The following ZNF653 variants were observed in gnomAD, a reference collection of about 807,000 sequenced individuals.
ZNF653 encodes the protein 67 kDa zinc finger protein.
In ZNF653, 37 loss-of-function variants were observed where a neutral mutation model predicts 59.9. That is an observed-to-expected ratio of 0.62 (90% CI 0.48 to 0.81). The LOEUF is 0.81. Ranked by LOEUF, ZNF653 falls within the 40% of genes least tolerant of loss-of-function variation. The pLI is 0.00. For synonymous variants in ZNF653, 435 were observed against 371.8 expected, an observed-to-expected ratio of 1.17 and a Z score of -1.96; for missense variants, 808 against 881.1, an observed-to-expected ratio of 0.92 and a Z score of 1.05.
chr19:11,505,323 A>G, intron 1 of ZNF653, 165 bp downstream of exon 1: 1 of 664,794 alleles, frequency 1.5e-6, no homozygotes, highest in African/African-American at 1.9e-5. Context: ...GCCACGAGCC[A>G]GGCGCGTCCC....
In ZNF653 at chr19:11,484,160, G is replaced by A. The variant is rs371781999; in HGVS notation, c.1571-19C>T. 4.8e-5 allele frequency: 74 copies of A among 1,543,616 alleles called. No homozygotes were observed. The highest frequency in any genetic ancestry group is 8.2e-5 in the African/African-American group (6 of 72,878). On this transcript the variant is annotated intron_variant, in intron 7 of 8. Coordinates refer to ENST00000293771, the MANE Select transcript of ZNF653 (RefSeq NM_138783.4). ...CGGACACCTGGGGGCGGTGGGGACC[G>A]AGGCTGAGGACGGTGGGCTATGGGG...
chr19:11,489,848 A>G (rs1971511804), intron 3 of ZNF653, among the ~76,000 whole-genome samples: 1 of 151,998 alleles, frequency 6.6e-6, no homozygotes, highest in Non-Finnish European at 1.5e-5. Context: ...TTCCAAGTTT[A>G]TTTGGTTCTT....
At chr19:11,494,327 GATAAC>G (rs71166604) in intron 3 of ZNF653, among the ~76,000 whole-genome samples, 33,627 of 139,360 alleles carry the variant, frequency 0.24, 4,136 homozygotes, top group African/African-American at 0.27. Flanking sequence ...GTCTCAAAAA[GATAAC>G]ATAACATAAC....
In ZNF653 at chr19:11,492,495, C is replaced by T. The variant is rs946580032; in HGVS notation, c.559+3455G>A. 2.0e-5 allele frequency among the ~76,000 whole-genome samples: 3 copies of T among 151,924 alleles called. No individual in the cohort carries two copies. The South Asian group carries it at 6.2e-4, about 32-fold the overall frequency. On this transcript the variant is annotated intron_variant, in intron 3 of 8. Coordinates refer to ENST00000293771, the MANE Select transcript of ZNF653 (RefSeq NM_138783.4). ...CTCCTAAAGCACTGGGAGAGGTGCACCACCATGCCCAGCTAACTTTTTCAT... is the reference window on the plus strand; with the variant it reads ...CTCCTAAAGCACTGGGAGAGGTGCATCACCATGCCCAGCTAACTTTTTCAT...
At chr19:11,494,388 ACAT>A (rs879642724) in intron 3 of ZNF653, among the ~76,000 whole-genome samples, 1,790 of 146,268 alleles carry the variant, frequency 0.012, 17 homozygotes, top group Admixed American at 0.014. Flanking sequence ...ATAAAACATA[ACAT>A]AACATAACAT....
At chr19:11,498,748 CT>C (rs1295509503) in intron 1 of ZNF653, among the ~76,000 whole-genome samples, 5 of 147,560 alleles carry the variant, frequency 3.4e-5, no homozygotes, top group African/African-American at 1.3e-4. Context: ...CTGCCCTGAA[CT>C]TTTTTTTCTT....
Position 11,498,279 on chromosome 19 carries a change from G to C in ZNF653, c.343+17C>G. ...TCCCAACTCTCCCCACCTCCCCCAG[G>C]CTGAGCCTCCACTTACTTTTCTTCC... On this transcript the variant is annotated intron_variant, in intron 2 of 8. Coordinates refer to ENST00000293771, the MANE Select transcript of ZNF653 (RefSeq NM_138783.4). 6.2e-7 allele frequency: 1 copy of C among 1,613,858 alleles called. No homozygotes were observed. The highest frequency in any genetic ancestry group is 8.5e-7 in the Non-Finnish European group (1 of 1,179,834).
At chr19:11,504,568 A>C (rs1599570791) in intron 1 of ZNF653, 2 of 985,380 alleles carry the variant, frequency 2.0e-6, no homozygotes, top group East Asian at 2.3e-4. Context: ...GTCCTGGGAA[A>C]GGGGTGGGTA....
At position 11,487,483 on chromosome 19, in the gene ZNF653, T is replaced by G. The variant is rs1296139384; in HGVS notation, c.980A>C (p.Tyr327Ser). 1 of 1,613,738 alleles carries G rather than the reference T, an allele frequency of 6.2e-7. No homozygotes were observed. Among genetic ancestry groups the G allele is most frequent in the Non-Finnish European group, 8.5e-7 (1 of 1,179,970 alleles). Residue 327 changes from tyrosine (Y) to serine (S), a missense_variant, in exon 4 of 9, where the codon TAC becomes TCC. Transcript: ENST00000293771. The surrounding 1 kb of genome is among the most constrained non-coding windows in gnomAD (Gnocchi z 5.1). ...SQVIIIAGPG[Y>S]DALTAEGIHL... The stretch of plus-strand genomic sequence containing the variant: ...AATGCCCTCGGCCGTGAGAGCGTCG[T>G]AACCAGGGCCCGCAATGATGATCAC...
chr19:11,488,081 C>T (rs528915428), intron 3 of ZNF653, among the ~76,000 whole-genome samples, 178 bp from the exon 4 acceptor site: 156 of 149,512 alleles, frequency 1.0e-3, no homozygotes, highest in Non-Finnish European at 1.9e-3. Flanking sequence ...TTGGCATCCC[C>T]GGTTCCAGTG....
intron 7 of ZNF653, among the ~76,000 whole-genome samples, chr19:11,485,364 C>T (rs1438338984): frequency 6.6e-6 from 1 of 152,118 alleles, no homozygotes; most frequent in Non-Finnish European, 1.5e-5. Context: ...GCGGTGTCAG[C>T]TGCTCCCTAA....
chr19:11,505,356 GCCGCCGGC>G, intron 1 of ZNF653, 124 bp downstream of exon 1: 1 of 983,982 alleles, frequency 1.0e-6, no homozygotes, highest in South Asian at 2.1e-5. Context: ...CGAGACCCAG[GCCGCCGGC>G]CCGGCTCCTG....
chr19:11,483,825 C>T lies in ZNF653; in HGVS notation c.1705G>A (p.Ala569Thr). 6.2e-7 allele frequency: 1 copy of T among 1,604,290 alleles called. No homozygotes were observed. The highest frequency in any genetic ancestry group is 8.5e-7 in the Non-Finnish European group (1 of 1,176,290). ...TTCTTCATGTGCCAGTTGAGCGACG[C>T]GCGCTGCCGGCACTGGTAGCCACAG... ...EICGYQCRQR[A>T]SLNWHMKKHT... Residue 569 changes from alanine (A) to threonine (T), a missense_variant, in exon 9 of 9, where the codon GCG becomes ACG. By Grantham distance (58) the Ala-to-Thr change is moderately conservative. Coordinates refer to ENST00000293771, the MANE Select transcript of ZNF653 (RefSeq NM_138783.4).
At chr19:11,492,453 G>C (rs981221561) in intron 3 of ZNF653, among the ~76,000 whole-genome samples, 2 of 152,116 alleles carry the variant, frequency 1.3e-5, no homozygotes, top group South Asian at 4.2e-4. Flanking sequence ...AGGTTCAAGC[G>C]ATCCTCCTGC....
chr19:11,484,693 G>A (rs1396669550), intron 7 of ZNF653, among the ~76,000 whole-genome samples: 1 of 151,956 alleles, frequency 6.6e-6, no homozygotes, highest in African/African-American at 2.4e-5. Flanking sequence ...TTACCACCAC[G>A]CCCGGCCTTG....
At chr19:11,483,886 GC>G (rs1971435411) in intron 8 of ZNF653, 27 bp from the exon 9 acceptor site, 1 of 1,547,004 alleles carries the variant, frequency 6.5e-7, no homozygotes, top group Non-Finnish European at 8.7e-7. Flanking sequence ...GCGGGACGGG[GC>G]GGGGTCAGAG....
In ZNF653 at chr19:11,498,312, C is replaced by T. The variant is rs1047296915; in HGVS notation, c.327G>A (p.Lys109=). 5.0e-6 allele frequency: 8 copies of T among 1,613,974 alleles called. No individual in the cohort carries two copies. The African/African-American group carries it at 1.1e-4, about 22-fold the overall frequency. The part of the protein sequence containing the change: ...HGKPWEQVPK[K]PKRKKRRRRN... ...TCCACTTACTTTTCTTCCGCTTTGG[C>T]TTTTTGGGGACCTGCTCCCAAGGCT... Residue 109 remains lysine, a synonymous_variant, in exon 2 of 9, where the codon AAG becomes AAA. Coordinates refer to ENST00000293771, the MANE Select transcript of ZNF653 (RefSeq NM_138783.4).
chr19:11,484,210 G>A, intron 7 of ZNF653, 69 bp from the exon 8 acceptor site: 1 of 1,227,514 alleles, frequency 8.1e-7, no homozygotes, highest in Non-Finnish European at 1.2e-6. Flanking sequence ...TGCAGACTCT[G>A]ATGCTAGAAG....
intron 1 of ZNF653, among the ~76,000 whole-genome samples, chr19:11,501,714 G>C (rs1276486070): frequency 6.6e-6 from 1 of 152,166 alleles, no homozygotes; most frequent in Non-Finnish European, 1.5e-5. Flanking sequence ...CCGGGCTGCT[G>C]CTTCTCCCTC....
Sources: gnomAD v4.1 joint callset for allele counts (sites outside exome capture counted in the v4.1 genomes callset) on GRCh38, gnomAD v4.1.1 for gene constraint, Gnocchi (gnomAD v3.1) non-coding constraint, MANE v1.5 for transcripts, NCBI Gene and HGNC (gene_info 2026-07-23, HGNC 2026-07-21) for gene names.